NUP98: variants seen among roughly 807,000 people sequenced by gnomAD.
NUP98 encodes the protein nucleoporin 98 and 96 precursor, also known as nuclear pore complex protein Nup98-Nup96.
A neutral mutation model predicts 191.9 loss-of-function variants in NUP98; 26 were observed. The ratio of observed to expected loss-of-function variants is 0.14; its 90% CI spans 0.10 to 0.19. The LOEUF (loss-of-function observed/expected upper bound fraction) is 0.19. Ranked by LOEUF, NUP98 falls within the 10% of genes least tolerant of loss-of-function variation. The pLI, the probability that NUP98 is intolerant of heterozygous loss-of-function variation, is 1.00. For missense variants in NUP98, 1,941 were observed against 2,178.8 expected (o/e 0.89, Z 2.17); for synonymous variants, 808 against 778.4 (o/e 1.04, Z -0.63).
chr11:3,763,698 G>A (rs1336436062), intron 8 of NUP98, among the ~76,000 whole-genome samples: 6 of 151,990 alleles, frequency 3.9e-5, no homozygotes, highest in South Asian at 2.1e-4. Context: ...ACAAGGGCAC[G>A]CCACCAGGCC....
chr11:3,774,151 G>A (rs1295659785), intron 5 of NUP98, among the ~76,000 whole-genome samples: 2 of 152,148 alleles, frequency 1.3e-5, no homozygotes, highest in Non-Finnish European at 1.5e-5. Context: ...TGTAATCCTA[G>A]CACTCTGGGA....
intron 1 of NUP98, among the ~76,000 whole-genome samples, chr11:3,793,690 G>A (rs1439203498): frequency 6.6e-6 from 1 of 152,048 alleles, no homozygotes; most frequent in African/African-American, 2.4e-5. Context: ...GGTAATTATG[G>A]CTGGGCATGG....
chr11:3,779,431 C>G (rs2081872684), intron 2 of NUP98, among the ~76,000 whole-genome samples, 174 bp from the exon 3 acceptor site: 1 of 151,906 alleles, frequency 6.6e-6, no homozygotes, highest in Admixed American at 6.6e-5. Flanking sequence ...CACCTGAGGT[C>G]GGGAGTTCAA....
At chr11:3,788,974 C>T (rs1448498512) in intron 1 of NUP98, among the ~76,000 whole-genome samples, 1 of 152,062 alleles carries the variant, frequency 6.6e-6, no homozygotes, top group African/African-American at 2.4e-5. Context: ...AAAAACCTGT[C>T]AGTTACCATC....
At position 3,725,579 on chromosome 11, in the gene NUP98, T is replaced by C. The variant is rs1254432396; in HGVS notation, c.1731-360A>G. Among the ~76,000 whole-genome samples, 4 of 152,208 alleles carry C rather than the reference T, an allele frequency of 2.6e-5. No individual in the cohort carries two copies. The South Asian group carries it at 6.2e-4, about 24-fold the overall frequency. ...ATCTGTATACTCTCCAAATGCTTTC[T>C]CTCTCTTTTGGCAGTACAAACGTAT... On this transcript the variant is annotated intron_variant, in intron 14 of 32. Coordinates refer to ENST00000324932, the MANE Select transcript of NUP98 (RefSeq NM_016320.5).
At chr11:3,789,501 CTTT>C (rs914589009) in intron 1 of NUP98, among the ~76,000 whole-genome samples, 7 of 123,062 alleles carry the variant, frequency 5.7e-5, no homozygotes, top group Non-Finnish European at 8.6e-5. Context: ...TTACCTATTT[CTTT>C]TTTTTTTTTT....
At chr11:3,725,269 GAT>G in intron 14 of NUP98, 50 bp from the exon 15 acceptor site, 1 of 828,250 alleles carries the variant, frequency 1.2e-6, no homozygotes, top group East Asian at 2.4e-5. Flanking sequence ...CAGGCATACA[GAT>G]ATGTCCCAGA....
At chr11:3,717,279 C>A (rs935302795) in intron 18 of NUP98, among the ~76,000 whole-genome samples, 9 of 151,898 alleles carry the variant, frequency 5.9e-5, no homozygotes, top group African/African-American at 2.2e-4. Context: ...ATTACAGGCA[C>A]GAGCCACTGC....
At position 3,705,363 on chromosome 11, in the gene NUP98, A is replaced by T; in HGVS notation, c.2926-7T>A. 1 of 1,613,832 alleles carries T rather than the reference A, an allele frequency of 6.2e-7. No homozygotes were observed. Among genetic ancestry groups the T allele is most frequent in the Non-Finnish European group, 8.5e-7 (1 of 1,179,810 alleles). On this transcript the variant is annotated splice_polypyrimidine_tract_variant and splice_region_variant and intron_variant, in intron 21 of 32. Coordinates refer to ENST00000324932, the MANE Select transcript of NUP98 (RefSeq NM_016320.5). The stretch of plus-strand genomic sequence containing the variant: ...GCAATGATGCTTTCATGATCTAAAA[A>T]GGCAATATCTATAGAATGAATGTGC...
chr11:3,791,700 A>G (rs1443952889), intron 1 of NUP98, among the ~76,000 whole-genome samples: 2 of 151,702 alleles, frequency 1.3e-5, no homozygotes, highest in African/African-American at 4.8e-5. Context: ...AAAATTAGCC[A>G]TGTGTGGTGG....
intron 12 of NUP98, among the ~76,000 whole-genome samples, chr11:3,744,275 T>G (rs2080405437): frequency 6.6e-6 from 1 of 152,054 alleles, no homozygotes; most frequent in Admixed American, 6.6e-5. Context: ...AAATTATATA[T>G]CAGATGAATT....
intron 9 of NUP98, among the ~76,000 whole-genome samples, chr11:3,761,268 AG>A (rs1192534827): frequency 6.6e-6 from 1 of 152,230 alleles, no homozygotes; most frequent in Non-Finnish European, 1.5e-5. Flanking sequence ...AAAATCACCT[AG>A]CTATACACTT....
In NUP98 at chr11:3,784,444, A is replaced by C. The variant is rs187560754; in HGVS notation, c.-28-2299T>G. On this transcript the variant is annotated intron_variant, in intron 1 of 32. Coordinates refer to ENST00000324932, the MANE Select transcript of NUP98 (RefSeq NM_016320.5). ...GAGGGCCACATCAGAATTAGGTGGC[A>C]AGCTTTTCAAAATACAAACTCTGGC... is the stretch of plus-strand genomic sequence containing the variant. 4.1e-3 allele frequency among the ~76,000 whole-genome samples: 619 copies of C among 152,268 alleles called. 2 individuals are homozygous for C. Among genetic ancestry groups the C allele is most frequent in the African/African-American group, 0.014 (583 of 41,554 alleles).
chr11:3,767,056 C>T (rs1434701472), intron 8 of NUP98, among the ~76,000 whole-genome samples: 1 of 152,148 alleles, frequency 6.6e-6, no homozygotes, highest in Non-Finnish European at 1.5e-5. Flanking sequence ...CTTCTGCCTC[C>T]TGGGTTTAAG....
intron 9 of NUP98, among the ~76,000 whole-genome samples, chr11:3,760,934 A>G (rs1476289603): frequency 6.6e-6 from 1 of 152,220 alleles, no homozygotes; most frequent in African/African-American, 2.4e-5. Flanking sequence ...AAGGCCATCA[A>G]ATATCTTTTT....
At chr11:3,689,426 C>CT (rs2078237209) in intron 28 of NUP98, among the ~76,000 whole-genome samples, 1 of 151,812 alleles carries the variant, frequency 6.6e-6, no homozygotes, top group South Asian at 2.1e-4. Flanking sequence ...ACTTGGGAGG[C>CT]TGAGGCAGGA....
Position 3,677,457 on chromosome 11 carries a change from C to T in NUP98, c.5074-837G>A, listed in dbSNP as rs547650961. 6.3e-5 allele frequency among the ~76,000 whole-genome samples: 9 copies of T among 141,902 alleles called. No individual in the cohort carries two copies. In the East Asian group the frequency reaches 1.8e-3, roughly 29 times the overall value. The allele number at this position is 141,902 out of a possible 152,430, so 93.1% of individuals were successfully genotyped here. A position where few individuals can be genotyped will look rare whatever the true frequency, so the allele number is the denominator to read the frequency against. On this transcript the variant is annotated intron_variant, in intron 31 of 32. Coordinates refer to ENST00000324932, the MANE Select transcript of NUP98 (RefSeq NM_016320.5). Reference sequence around the variant, plus strand: ...AGAAGGGGGGTCTCGTTATGTTGCTCAGGCTGGTCTCAAGCAATCCTCCTG... The same window carrying T: ...AGAAGGGGGGTCTCGTTATGTTGCTTAGGCTGGTCTCAAGCAATCCTCCTG...
At chr11:3,684,120 G>A (rs1018724485) in intron 29 of NUP98, among the ~76,000 whole-genome samples, 11 of 152,060 alleles carry the variant, frequency 7.2e-5, no homozygotes, top group Non-Finnish European at 1.6e-4. Context: ...GCTGAGGCAG[G>A]AGAATTGCTT....
intron 10 of NUP98, 127 bp from the exon 11 acceptor site, chr11:3,753,535 A>C: frequency 3.1e-6 from 2 of 649,806 alleles, no homozygotes; most frequent in Non-Finnish European, 2.6e-6. Context: ...TAGGACTCCT[A>C]ACTTGTAGGA....
Sources: gnomAD v4.1 joint callset for allele counts (sites outside exome capture counted in the v4.1 genomes callset) on GRCh38, gnomAD v4.1.1 for gene constraint, MANE v1.5 for transcripts, NCBI Gene and HGNC (gene_info 2026-07-23, HGNC 2026-07-21) for gene names.